The following PEX5L variants were observed in gnomAD, a reference collection of about 807,000 sequenced individuals.
PEX5L encodes PEX5-related protein.
In PEX5L, 30 loss-of-function variants were observed where a neutral mutation model predicts 84.0. That is an observed-to-expected ratio of 0.36 (90% CI 0.27 to 0.48). The LOEUF (loss-of-function observed/expected upper bound fraction) is 0.48, where lower values mean the gene tolerates loss of function less well. PEX5L is among the 20% of genes least tolerant of loss of function. The pLI, the probability that PEX5L is intolerant of heterozygous loss-of-function variation, is 0.99. For synonymous variants in PEX5L, 270 were observed against 283.1 expected, an observed-to-expected ratio of 0.95 and a Z score of 0.46; for missense variants, 533 against 754.6, an observed-to-expected ratio of 0.71 and a Z score of 3.44.
intron 1 of PEX5L, among the ~76,000 whole-genome samples, chr3:180,029,762 T>C (rs917536813): frequency 1.3e-5 from 2 of 152,200 alleles, no homozygotes; most frequent in Admixed American, 6.5e-5. Flanking sequence ...AATCAGTTCC[T>C]GATTCAGTAG....
intron 8 of PEX5L, among the ~76,000 whole-genome samples, chr3:179,854,644 A>C (rs1743216688): frequency 1.3e-5 from 2 of 152,220 alleles, no homozygotes; most frequent in South Asian, 2.1e-4. Context: ...TATATACAAC[A>C]ATAGATAGAT....
intron 8 of PEX5L, among the ~76,000 whole-genome samples, chr3:179,840,177 G>GTTTT (rs1560319639): frequency 3.8e-4 from 41 of 107,906 alleles, no homozygotes; most frequent in African/African-American, 1.4e-3. Flanking sequence ...GTGTGTGTGT[G>GTTTT]TGTGTGTTTT....
Position 179,824,567 on chromosome 3 carries a change from G to A in PEX5L, c.823-4591C>T, listed in dbSNP as rs570557230. The stretch of plus-strand genomic sequence containing the variant: ...CTAAAAAATACAGAATTAGCCAGGC[G>A]TGGTGGTGCATGCCTGTAATCCCAG... On this transcript the variant is annotated intron_variant, in intron 8 of 14. Transcript: ENST00000467460. 2.0e-4 allele frequency among the ~76,000 whole-genome samples: 31 copies of A among 152,176 alleles called. No homozygotes were observed. In the East Asian group the frequency reaches 5.2e-3, roughly 26 times the overall value.
intron 2 of PEX5L, among the ~76,000 whole-genome samples, chr3:179,909,174 A>G (rs1560653411): frequency 6.6e-6 from 1 of 152,104 alleles, no homozygotes; most frequent in Admixed American, 6.6e-5. Context: ...TATCATCTGA[A>G]TGTACCACAA....
chr3:179,809,882 A>G (rs1723049735), intron 11 of PEX5L, among the ~76,000 whole-genome samples: 1 of 151,684 alleles, frequency 6.6e-6, no homozygotes, highest in South Asian at 2.1e-4. Flanking sequence ...AATGATTGCT[A>G]GGTTTGGTAA....
In PEX5L at chr3:179,823,908, T is replaced by C. The variant is rs77459619; in HGVS notation, c.823-3932A>G. Among the ~76,000 whole-genome samples, 10 of 152,154 alleles carry C rather than the reference T, an allele frequency of 6.6e-5. No homozygotes were observed. In the East Asian group the frequency reaches 1.9e-3, roughly 29 times the overall value. On this transcript the variant is annotated intron_variant, in intron 8 of 14. Coordinates refer to ENST00000467460, the MANE Select transcript of PEX5L (RefSeq NM_016559.3). ...CTTAGCACAGAATCACATTTTTTTT[T>C]AAAGGGGCCTTCTAGTCTATTTAAT...
At chr3:179,923,813 CAGTA>C (rs1332175004) in intron 2 of PEX5L, among the ~76,000 whole-genome samples, 2 of 152,150 alleles carry the variant, frequency 1.3e-5, no homozygotes, top group Non-Finnish European at 2.9e-5. Context: ...AAAGTAAGCA[CAGTA>C]AGTGTTTAAA....
At chr3:179,901,159 G>T (rs1407476379) in intron 2 of PEX5L, among the ~76,000 whole-genome samples, 3 of 152,074 alleles carry the variant, frequency 2.0e-5, no homozygotes, top group African/African-American at 4.8e-5. Flanking sequence ...AACTGTGCAG[G>T]TTTCTTTCTT....
chr3:179,870,303 C>A (rs1328553233), intron 7 of PEX5L, among the ~76,000 whole-genome samples: 1 of 152,162 alleles, frequency 6.6e-6, no homozygotes, highest in East Asian at 1.9e-4. Flanking sequence ...AGTTTGAAGA[C>A]CCCCACAGAT....
chr3:179,823,140 G>A (rs934816519), intron 8 of PEX5L, among the ~76,000 whole-genome samples: 2 of 152,102 alleles, frequency 1.3e-5, no homozygotes, highest in African/African-American at 2.4e-5. Context: ...CAAAAATCAC[G>A]CACAATCGCA....
intron 8 of PEX5L, among the ~76,000 whole-genome samples, chr3:179,837,384 C>A (rs537676249): frequency 6.6e-6 from 1 of 152,184 alleles, no homozygotes; most frequent in South Asian, 2.1e-4. Flanking sequence ...GACTCCTCAT[C>A]ATGATGAGAC....
At chr3:179,856,317 A>G (rs546444933) in intron 8 of PEX5L, among the ~76,000 whole-genome samples, 86 of 152,308 alleles carry the variant, frequency 5.6e-4, no homozygotes, top group African/African-American at 2.0e-3. Flanking sequence ...CCATATATAA[A>G]CTACTATTTC....
intron 2 of PEX5L, among the ~76,000 whole-genome samples, chr3:179,946,926 T>C (rs1436344870): frequency 6.6e-6 from 1 of 152,166 alleles, no homozygotes; most frequent in African/African-American, 2.4e-5. Flanking sequence ...AAGAGAAGAA[T>C]CAATGAGCAA....
intron 2 of PEX5L, among the ~76,000 whole-genome samples, chr3:179,934,053 C>T (rs1773895907): frequency 6.6e-6 from 1 of 152,224 alleles, no homozygotes; most frequent in African/African-American, 2.4e-5. Context: ...GGCAGATCTG[C>T]CGAATTTGGC....
intron 1 of PEX5L, among the ~76,000 whole-genome samples, chr3:180,008,941 T>C (rs938403015): frequency 6.6e-6 from 1 of 152,244 alleles, no homozygotes; most frequent in African/African-American, 2.4e-5. Flanking sequence ...TAAAATGTTT[T>C]GATTAATATG....
At chr3:180,028,248 C>T (rs1209129245) in intron 1 of PEX5L, among the ~76,000 whole-genome samples, 1 of 152,090 alleles carries the variant, frequency 6.6e-6, no homozygotes, top group African/African-American at 2.4e-5. Context: ...TCTTTCTATG[C>T]TTATTCAAAT....
intron 2 of PEX5L, among the ~76,000 whole-genome samples, chr3:179,959,157 G>A (rs866138723): frequency 7.4e-5 from 7 of 94,260 alleles, no homozygotes; most frequent in Admixed American, 6.3e-4. Flanking sequence ...TGATGCTGAT[G>A]CTGTGGTCCA....
In PEX5L at chr3:179,838,576, A is replaced by T. The variant is rs1409733402; in HGVS notation, c.823-18600T>A. 2.6e-5 allele frequency among the ~76,000 whole-genome samples: 4 copies of T among 152,192 alleles called. No homozygotes were observed. In the East Asian group the frequency reaches 7.7e-4, roughly 29 times the overall value. Reference sequence around the variant, plus strand: ...TAGGCCTGGGAAATTTTACATTGTTATGTACAAAACATCACTATCCTTGTT... The same window carrying T: ...TAGGCCTGGGAAATTTTACATTGTTTTGTACAAAACATCACTATCCTTGTT... On this transcript the variant is annotated intron_variant, in intron 8 of 14. Coordinates refer to ENST00000467460, the MANE Select transcript of PEX5L (RefSeq NM_016559.3).
chr3:179,995,117 C>T (rs1263510193), intron 1 of PEX5L, among the ~76,000 whole-genome samples: 1 of 145,476 alleles, frequency 6.9e-6, no homozygotes, highest in Admixed American at 6.9e-5. Flanking sequence ...ACTATATATA[C>T]TATATATATA....
Sources: allele counts gnomAD v4.1 joint callset (sites outside exome capture counted in the v4.1 genomes callset), GRCh38; gene constraint gnomAD v4.1.1; transcripts MANE v1.5; gene names NCBI Gene and HGNC (gene_info 2026-07-23, HGNC 2026-07-21).